ZDHHC23: variants seen among roughly 807,000 people sequenced by gnomAD.
The protein encoded by ZDHHC23 is palmitoyltransferase ZDHHC23.
In ZDHHC23, 41 loss-of-function variants were observed where a neutral mutation model predicts 40.2. The observed-to-expected ratio is 1.02, with a 90% CI of 0.79 to 1.32. The LOEUF is 1.32. Ranked by LOEUF, ZDHHC23 falls within the 40% of genes most tolerant of loss-of-function variation. The pLI, the probability that ZDHHC23 is intolerant of heterozygous loss-of-function variation, is 0.00. For synonymous variants in ZDHHC23, 204 were observed against 210.2 expected (o/e 0.97, Z 0.26); for missense variants, 471 against 541.5 (o/e 0.87, Z 1.29).
At chr3:113,978,880 C>T in the ZDHHC23 span, 1 of 1,613,894 alleles carries the variant, frequency 6.2e-7, no homozygotes, top group Non-Finnish European at 8.5e-7. Flanking sequence ...CTGGATGACT[C>T]TCTTAAGCAG....
Position 113,960,541 on chromosome 3 carries a change from C to G in ZDHHC23, c.*1911C>G. On this transcript the variant is annotated 3_prime_UTR_variant, in exon 5 of 5. Transcript: ENST00000638807. ...CAGCTGTAGAGCCAACTCTGATTATCTAGCCATTGATCATACAAATTGATA... is the reference window on the plus strand; with the variant it reads ...CAGCTGTAGAGCCAACTCTGATTATGTAGCCATTGATCATACAAATTGATA... The G allele has an allele frequency of 3.5e-6, 5 of 1,428,368 alleles. No individual in the cohort carries two copies. The highest frequency in any genetic ancestry group is 3.1e-5 in the Admixed American group (1 of 31,790). 88.5% of individuals were successfully genotyped at this position (1,428,368 alleles called of 1,614,324 possible).
At chr3:113,978,852 C>T in the ZDHHC23 span, 1 of 1,613,564 alleles carries the variant, frequency 6.2e-7, no homozygotes, top group Non-Finnish European at 8.5e-7. Flanking sequence ...TTCCCTATGT[C>T]CTTACCTGTA....
the ZDHHC23 span, among the ~76,000 whole-genome samples, chr3:113,976,687 T>C: frequency 6.6e-6 from 1 of 151,756 alleles, no homozygotes; most frequent in Non-Finnish European, 1.5e-5. Context: ...AGCAGTGCAT[T>C]GAGTGAGTTA....
chr3:113,953,515 C>G (rs934614116), intron 2 of ZDHHC23, among the ~76,000 whole-genome samples, 185 bp from the exon 3 acceptor site: 4 of 152,152 alleles, frequency 2.6e-5, no homozygotes, highest in African/African-American at 7.2e-5. Context: ...AGTTTTTAAA[C>G]ATCTTGTTCC....
In ZDHHC23 at chr3:113,960,461, A is replaced by G; in HGVS notation, c.*1831A>G. The G allele has an allele frequency of 1.5e-6, 2 of 1,376,172 alleles. No homozygotes were observed. The highest frequency in any genetic ancestry group is 1.9e-6 in the Non-Finnish European group (2 of 1,071,962). 85.2% of individuals were successfully genotyped at this position (1,376,172 alleles called of 1,614,324 possible). ...CAGGTTTTACATAAGAGAGACAGTA[A>G]TAATGTCAAGGATAGCCTGTGTGGG... On this transcript the variant is annotated 3_prime_UTR_variant, in exon 5 of 5. Transcript: ENST00000638807.
the ZDHHC23 span, among the ~76,000 whole-genome samples, chr3:113,974,887 CT>C: frequency 6.6e-6 from 1 of 152,024 alleles, no homozygotes; most frequent in African/African-American, 2.4e-5. Flanking sequence ...TCTCTCTAAT[CT>C]TTTATGTTTT....
downstream of ZDHHC23, among the ~76,000 whole-genome samples, chr3:113,966,610 T>C (rs1445485934): frequency 6.6e-6 from 1 of 152,142 alleles, no homozygotes; most frequent in Non-Finnish European, 1.5e-5. Flanking sequence ...GTGGTGTGTG[T>C]GTGGAGTTAC....
the ZDHHC23 span, chr3:113,978,517 GAACACATGAATAGA>G: frequency 3.1e-6 from 2 of 637,840 alleles, no homozygotes; most frequent in Non-Finnish European, 5.3e-6. Context: ...AATGGTAAGA[GAACACATGAATAGA>G]AACAGTTATA....
chr3:113,972,124 GGTTT>G, the ZDHHC23 span, among the ~76,000 whole-genome samples: 2 of 151,822 alleles, frequency 1.3e-5, no homozygotes, highest in Non-Finnish European at 2.9e-5. Context: ...TTTGGGGTTT[GGTTT>G]GTTCTTGCTT....
rs1213524282 is a variant in ZDHHC23 at position 113,948,688 on chromosome 3, G to A, written c.-115G>A. On this transcript the variant is annotated splice_region_variant and 5_prime_UTR_variant, in exon 2 of 5. Coordinates refer to ENST00000638807, the MANE Select transcript of ZDHHC23 (RefSeq NM_001320466.2). The stretch of plus-strand genomic sequence containing the variant: ...TCTTCTCATTTTTGATTGCTCAGGC[G>A]TTGGAGGTTAAGCAGAGAGAGAGAG... The A allele has an allele frequency of 4.0e-6, 5 of 1,265,452 alleles. No homozygotes were observed. The highest frequency in any genetic ancestry group is 4.4e-6 in the Non-Finnish European group (4 of 908,524). The allele number at this position is 1,265,452 out of a possible 1,614,324, so 78.4% of individuals were successfully genotyped here.
At chr3:113,978,552 G>A in the ZDHHC23 span, 3 of 591,708 alleles carry the variant, frequency 5.1e-6, no homozygotes, top group East Asian at 2.8e-5. Flanking sequence ...AGATTGAAGG[G>A]GTAAGTTTCT....
chr3:113,972,784 A>G, the ZDHHC23 span, among the ~76,000 whole-genome samples: 1 of 152,270 alleles, frequency 6.6e-6, no homozygotes, highest in Admixed American at 6.5e-5. Flanking sequence ...CTCTTGCTGA[A>G]TTGACCTCTT....
downstream of ZDHHC23, chr3:113,965,169 G>A (rs1158538878): frequency 1.2e-6 from 2 of 1,601,766 alleles, no homozygotes; most frequent in Non-Finnish European, 1.7e-6. Flanking sequence ...TCGTTCACCA[G>A]ACTTGTCTTA....
chr3:113,968,458 C>T (rs577464325), downstream of ZDHHC23, among the ~76,000 whole-genome samples: 103 of 151,872 alleles, frequency 6.8e-4, 1 homozygote, highest in Admixed American at 3.6e-3. Flanking sequence ...GATCTTCCCC[C>T]CCCTTTTTTT....
In ZDHHC23 at chr3:113,956,417, T is replaced by G; in HGVS notation, c.951T>G (p.Tyr317Ter). The change falls in exon 4 of 5, where the codon TAT (tyrosine) becomes TAG (stop). Residue 317 changes from tyrosine (Y) to a stop codon, truncating the protein, a stop_gained. Transcript: ENST00000638807. LOFTEE classifies it high-confidence loss of function. ...ALLIFLLTSV[Y>*]GITLTLDTIC... ...TGATCTTCTTGCTCACCTCGGTGTA[T>G]GGGATCACACTGACCTTGGACACCA... is the stretch of plus-strand genomic sequence containing the variant. The G allele has an allele frequency of 6.2e-7, 1 of 1,614,198 alleles. No homozygotes were observed.
At position 113,958,897 on chromosome 3, in the gene ZDHHC23, G is replaced by T. The variant is rs1939487573; in HGVS notation, c.*267G>T. The T allele has an allele frequency of 2.4e-6, 3 of 1,274,848 alleles. No homozygotes were observed. Among genetic ancestry groups the T allele is most frequent in the Non-Finnish European group, 3.0e-6 (3 of 988,748 alleles). The allele number at this position is 1,274,848 out of a possible 1,614,324, so 79.0% of individuals were successfully genotyped here. A position where few individuals can be genotyped will look rare whatever the true frequency, so the allele number is the denominator to read the frequency against. On this transcript the variant is annotated 3_prime_UTR_variant, in exon 5 of 5. Coordinates refer to ENST00000638807, the MANE Select transcript of ZDHHC23 (RefSeq NM_001320466.2). ...CCTGAACTTGAGAAGGATGTGGATT[G>T]CTAATGCACAAATTGATAGAAGCAA...
Position 113,960,381 on chromosome 3 carries a change from C to T in ZDHHC23, c.*1751C>T. On this transcript the variant is annotated 3_prime_UTR_variant, in exon 5 of 5. Coordinates refer to ENST00000638807, the MANE Select transcript of ZDHHC23 (RefSeq NM_001320466.2). ...GTGATGCCTTCTCCCTGGCCCAGAG[C>T]TGAATATTCATCTAGAATTAAAGTT... 8.5e-7 allele frequency: 1 copy of T among 1,182,866 alleles called. No homozygotes were observed. The highest frequency in any genetic ancestry group is 2.0e-5 in the South Asian group (1 of 50,666). The allele number at this position is 1,182,866 out of a possible 1,614,324, so 73.3% of individuals were successfully genotyped here.
In ZDHHC23 at chr3:113,959,060, T is replaced by C. The variant is rs1939498105; in HGVS notation, c.*430T>C. ...GGTCATCTGCAAAGTGGGGTACTGA[T>C]GCCTGCCCTGGCTACCTCACAGAGC... On this transcript the variant is annotated 3_prime_UTR_variant, in exon 5 of 5. Transcript: ENST00000638807. The C allele has an allele frequency of 1.0e-6, 1 of 972,292 alleles. No individual in the cohort carries two copies. The allele number at this position is 972,292 out of a possible 1,614,324, so 60.2% of individuals were successfully genotyped here.
At position 113,953,884 on chromosome 3, in the gene ZDHHC23, G is replaced by GT. The variant is rs1302116609; in HGVS notation, c.350dup (p.Leu117PhefsTer86). On this transcript the variant is annotated frameshift_variant, in exon 3 of 5. Coordinates refer to ENST00000638807, the MANE Select transcript of ZDHHC23 (RefSeq NM_001320466.2). LOFTEE classifies it high-confidence loss of function. ...CTGGCATTTCCTCCTGGGGGTGGTG[G>GT]TTTTGACCTCCCTTCCTGTGCTGGC... is the stretch of plus-strand genomic sequence containing the variant. 2.5e-6 allele frequency: 4 copies of GT among 1,613,954 alleles called. No individual in the cohort carries two copies. Among genetic ancestry groups the GT allele is most frequent in the African/African-American group, 1.3e-5 (1 of 74,880 alleles).
Sources: gnomAD v4.1 joint callset for allele counts (sites outside exome capture counted in the v4.1 genomes callset) on GRCh38, gnomAD v4.1.1 for gene constraint, MANE v1.5 for transcripts, NCBI Gene and HGNC (gene_info 2026-07-23, HGNC 2026-07-21) for gene names.